The following MECOM variants were observed in gnomAD, a reference collection of about 807,000 sequenced individuals.
The protein encoded by MECOM is histone-lysine N-methyltransferase MECOM.
MECOM carries 13 observed loss-of-function variants against 116.3 expected under a neutral mutation model. The ratio of observed to expected loss-of-function variants is 0.11; its 90% CI spans 0.07 to 0.18. The LOEUF (loss-of-function observed/expected upper bound fraction) is 0.18. Ranked by LOEUF, MECOM falls within the 10% of genes least tolerant of loss-of-function variation. The probability of loss-of-function intolerance (pLI) is 1.00; values close to 1 mark genes in which losing one functional copy is unlikely to be tolerated. For missense variants in MECOM, 1,299 were observed against 1,509.0 expected (o/e 0.86, Z 2.31); for synonymous variants, 528 against 535.2 (o/e 0.99, Z 0.19).
At chr3:169,184,216 G>C (rs1186165902) in intron 2 of MECOM, among the ~76,000 whole-genome samples, 1 of 152,048 alleles carries the variant, frequency 6.6e-6, no homozygotes, top group Non-Finnish European at 1.5e-5. Context: ...TACTTTCTCA[G>C]GGACAGCTAC....
intron 1 of MECOM, among the ~76,000 whole-genome samples, chr3:169,570,517 C>T (rs547692916): frequency 1.3e-5 from 2 of 152,256 alleles, no homozygotes; most frequent in Non-Finnish European, 2.9e-5. Flanking sequence ...AATACCAAAA[C>T]CTGAAAAAGA....
chr3:169,512,667 A>C (rs1756123349), intron 1 of MECOM, among the ~76,000 whole-genome samples: 1 of 152,252 alleles, frequency 6.6e-6, no homozygotes, highest in African/African-American at 2.4e-5. Context: ...TATCTGATGA[A>C]AGAATCAATT....
chr3:169,266,512 T>C (rs1008672789), intron 2 of MECOM, among the ~76,000 whole-genome samples: 2 of 152,214 alleles, frequency 1.3e-5, no homozygotes, highest in African/African-American at 4.8e-5. Flanking sequence ...AGCATCAGTA[T>C]TTGTTTCCAG....
chr3:169,494,813 G>A (rs1753619549), intron 1 of MECOM, among the ~76,000 whole-genome samples: 1 of 152,166 alleles, frequency 6.6e-6, no homozygotes, highest in Non-Finnish European at 1.5e-5. Flanking sequence ...TTCATGAGAA[G>A]AAATCTTTTA....
rs114436438 is a variant in MECOM at position 169,269,672 on chromosome 3, A to G, written c.375+111515T>C. ...TCCTAGTCATGCTCTCTGTAATAGG[A>G]ATTCCTCACTAAACCTCACTTAATG... On this transcript the variant is annotated intron_variant, in intron 2 of 16. Transcript: ENST00000651503. Among the ~76,000 whole-genome samples the G allele has an allele frequency of 9.0e-3, 1,367 of 152,276 alleles. 10 individuals are homozygous for G. Among genetic ancestry groups the G allele is most frequent in the Non-Finnish European group, 0.014 (947 of 68,010 alleles).
chr3:169,122,768 T>G, intron 5 of MECOM, 41 bp from the exon 6 acceptor site: 2 of 1,597,910 alleles, frequency 1.3e-6, no homozygotes, highest in South Asian at 2.2e-5. Context: ...AAAGGATGCA[T>G]TCATAAACGG....
At chr3:169,654,204 G>A (rs967224811) in intron 1 of MECOM, among the ~76,000 whole-genome samples, 1 of 152,130 alleles carries the variant, frequency 6.6e-6, no homozygotes, top group African/African-American at 2.4e-5. Context: ...CCATTGTGTT[G>A]ACATTCCATC....
At chr3:169,191,364 G>T (rs1032180378) in intron 2 of MECOM, among the ~76,000 whole-genome samples, 1 of 151,830 alleles carries the variant, frequency 6.6e-6, no homozygotes, top group Admixed American at 6.6e-5. Context: ...ACCAGGGATG[G>T]GGGTGAAGGA....
chr3:169,128,579 G>T (rs1417301479), intron 4 of MECOM, among the ~76,000 whole-genome samples: 2 of 149,768 alleles, frequency 1.3e-5, no homozygotes, highest in Admixed American at 6.7e-5. Flanking sequence ...TATCTGGAAA[G>T]AACATGGGAC....
chr3:169,145,038 C>T, intron 2 of MECOM: 3 of 1,553,438 alleles, frequency 1.9e-6, no homozygotes, highest in Non-Finnish European at 2.6e-6. Context: ...GGGCTTTAGT[C>T]AAGAAGCCCT....
At chr3:169,532,213 T>C (rs1758733591) in intron 1 of MECOM, among the ~76,000 whole-genome samples, 1 of 152,194 alleles carries the variant, frequency 6.6e-6, no homozygotes, top group Non-Finnish European at 1.5e-5. Flanking sequence ...TCTGATTCAG[T>C]GTGTCTGGGG....
At chr3:169,446,843 G>T (rs1744716000) in intron 1 of MECOM, among the ~76,000 whole-genome samples, 1 of 152,164 alleles carries the variant, frequency 6.6e-6, no homozygotes, top group Admixed American at 6.5e-5. Flanking sequence ...ACTATGCAGT[G>T]CTACTGCCCT....
chr3:169,198,812 T>G (rs1748778706), intron 2 of MECOM, among the ~76,000 whole-genome samples: 1 of 151,808 alleles, frequency 6.6e-6, no homozygotes, highest in South Asian at 2.1e-4. Context: ...CCCAATACAA[T>G]ATGATAAAAG....
intron 2 of MECOM, among the ~76,000 whole-genome samples, chr3:169,182,616 T>G (rs766064045): frequency 6.6e-6 from 1 of 152,244 alleles, no homozygotes; most frequent in African/African-American, 2.4e-5. Context: ...AAAGCTTATA[T>G]ACTTTTCTTA....
At chr3:169,376,305 C>T (rs571860287) in intron 2 of MECOM, among the ~76,000 whole-genome samples, 1 of 152,242 alleles carries the variant, frequency 6.6e-6, no homozygotes, top group South Asian at 2.1e-4. Context: ...TCCTATTCAA[C>T]ATAGTATTAG....
rs561084609 is a variant in MECOM at position 169,498,058 on chromosome 3, G to A, written c.38-116534C>T. ...TCAACTGAATATGCGCTTTATTTCTGTTCTCTCTATTGATTCTTCTTCATT... is the reference window on the plus strand; with the variant it reads ...TCAACTGAATATGCGCTTTATTTCTATTCTCTCTATTGATTCTTCTTCATT... On this transcript the variant is annotated intron_variant, in intron 1 of 16. Transcript: ENST00000651503. Among the ~76,000 whole-genome samples the A allele has an allele frequency of 8.1e-4, 124 of 152,234 alleles. 2 individuals are homozygous for A. The South Asian group carries it at 0.023, about 28-fold the overall frequency.
intron 1 of MECOM, among the ~76,000 whole-genome samples, chr3:169,440,716 C>T (rs1743497920): frequency 6.6e-6 from 1 of 152,122 alleles, no homozygotes; most frequent in Admixed American, 6.6e-5. Flanking sequence ...CATATGCCCT[C>T]CAAAGCTTCT....
chr3:169,462,204 A>G (rs962795613), intron 1 of MECOM, among the ~76,000 whole-genome samples: 2 of 152,320 alleles, frequency 1.3e-5, no homozygotes, highest in African/African-American at 4.8e-5. Context: ...CCCAGCAGAC[A>G]GCAGGGAAAG....
At chr3:169,445,408 A>G (rs569320092) in intron 1 of MECOM, among the ~76,000 whole-genome samples, 67 of 152,328 alleles carry the variant, frequency 4.4e-4, no homozygotes, top group South Asian at 8.3e-4. Flanking sequence ...GGAAGCCCCA[A>G]ATCTTGGCAG....
Sources: gnomAD v4.1 joint callset for allele counts (sites outside exome capture counted in the v4.1 genomes callset) on GRCh38, gnomAD v4.1.1 for gene constraint, MANE v1.5 for transcripts, NCBI Gene and HGNC (gene_info 2026-07-23, HGNC 2026-07-21) for gene names.